The following NTNG1 variants were observed in gnomAD, a reference collection of about 807,000 sequenced individuals.
The protein encoded by NTNG1 is netrin-G1.
Under a neutral mutation model 54.0 loss-of-function variants are expected in NTNG1, and 16 were observed. The observed-to-expected ratio is 0.30, with a 90% CI of 0.20 to 0.45. NTNG1 has a LOEUF of 0.45. Ranked by LOEUF, NTNG1 falls within the 20% of genes least tolerant of loss-of-function variation. NTNG1 has a pLI of 1.00. For missense variants in NTNG1, 530 were observed against 678.7 expected, an observed-to-expected ratio of 0.78 and a Z score of 2.43; for synonymous variants, 255 against 263.1, an observed-to-expected ratio of 0.97 and a Z score of 0.30.
At chr1:107,267,649 G>T (rs946752242) in intron 2 of NTNG1, among the ~76,000 whole-genome samples, 26 of 152,136 alleles carry the variant, frequency 1.7e-4, no homozygotes, top group African/African-American at 5.8e-4. Flanking sequence ...AGTCCCCAGG[G>T]TGTCCACCAT....
chr1:107,434,468 C>G (rs554435460), intron 6 of NTNG1, among the ~76,000 whole-genome samples: 3 of 152,246 alleles, frequency 2.0e-5, no homozygotes, highest in South Asian at 2.1e-4. Context: ...GAGCATTAAG[C>G]AGGAAGCTAG....
chr1:107,466,076 C>CTA (rs994886837), intron 7 of NTNG1, among the ~76,000 whole-genome samples: 2 of 151,934 alleles, frequency 1.3e-5, no homozygotes, highest in African/African-American at 4.8e-5. Flanking sequence ...GAGGTCCTGA[C>CTA]TATAGTATTT....
chr1:107,340,089 A>G (rs1011715950), intron 3 of NTNG1, among the ~76,000 whole-genome samples: 1 of 152,094 alleles, frequency 6.6e-6, no homozygotes, highest in African/African-American at 2.4e-5. Context: ...CGTCAAGGTT[A>G]TTTCTAAACA....
chr1:107,438,222 T>G (rs1489018179), intron 7 of NTNG1, among the ~76,000 whole-genome samples: 1 of 152,166 alleles, frequency 6.6e-6, no homozygotes, highest in Non-Finnish European at 1.5e-5. Flanking sequence ...AGGTTGAAAT[T>G]TTGGCATTGA....
At position 107,331,636 on chromosome 1, in the gene NTNG1, T is replaced by C. The variant is rs77270972; in HGVS notation, c.887+6714T>C. Among the ~76,000 whole-genome samples the C allele has an allele frequency of 4.6e-3, 707 of 152,232 alleles. 7 individuals carry two copies. The highest frequency in any genetic ancestry group is 0.016 in the African/African-American group (663 of 41,562). On this transcript the variant is annotated intron_variant, in intron 3 of 7. Transcript: ENST00000370068. ...ACCTGCTTTCAACTAATGGGCATCA[T>C]CAAACACTAAAACAAGTCATATATC...
chr1:107,413,091 C>G (rs1158590568), intron 5 of NTNG1, among the ~76,000 whole-genome samples: 2 of 151,852 alleles, frequency 1.3e-5, no homozygotes, highest in Non-Finnish European at 2.9e-5. Context: ...TCCTGTAGAA[C>G]TTTGGAGTTT....
intron 2 of NTNG1, among the ~76,000 whole-genome samples, chr1:107,255,918 T>C (rs549336710): frequency 5.0e-4 from 76 of 152,338 alleles, no homozygotes; most frequent in Non-Finnish European, 8.7e-4. Flanking sequence ...TAGTTATTAT[T>C]ATACTTAAAA....
intron 2 of NTNG1, among the ~76,000 whole-genome samples, chr1:107,193,108 T>G (rs1223088675): frequency 1.3e-5 from 2 of 152,098 alleles, no homozygotes; most frequent in Non-Finnish European, 2.9e-5. Flanking sequence ...AAAAGTACCT[T>G]GATAGGTGCT....
At chr1:107,345,467 A>G (rs1669160762) in intron 3 of NTNG1, among the ~76,000 whole-genome samples, 1 of 152,216 alleles carries the variant, frequency 6.6e-6, no homozygotes, top group Non-Finnish European at 1.5e-5. Flanking sequence ...GCTGTGGCAC[A>G]GAAGTTACAA....
At chr1:107,291,290 G>A (rs1215150924) in intron 2 of NTNG1, among the ~76,000 whole-genome samples, 1 of 151,860 alleles carries the variant, frequency 6.6e-6, no homozygotes, top group East Asian at 1.9e-4. Flanking sequence ...TAAGAATATA[G>A]TATATAATAC....
intron 5 of NTNG1, chr1:107,421,044 T>C (rs1006659648): frequency 1.4e-6 from 2 of 1,430,898 alleles, no homozygotes; most frequent in East Asian, 2.3e-5. Flanking sequence ...CGTTTCACTA[T>C]TGTTTCTAAT....
At chr1:107,156,209 A>T (rs773362197) in intron 2 of NTNG1, among the ~76,000 whole-genome samples, 6 of 152,238 alleles carry the variant, frequency 3.9e-5, no homozygotes, top group Non-Finnish European at 7.3e-5. Flanking sequence ...AAATTAAGAG[A>T]CAACTAGCAA....
chr1:107,258,045 T>C (rs1223473287), intron 2 of NTNG1, among the ~76,000 whole-genome samples: 1 of 152,184 alleles, frequency 6.6e-6, no homozygotes, highest in Non-Finnish European at 1.5e-5. Context: ...ACATGTAGGA[T>C]TAAAACATTA....
chr1:107,467,248 T>C (rs1251106871), intron 7 of NTNG1, among the ~76,000 whole-genome samples: 1 of 152,172 alleles, frequency 6.6e-6, no homozygotes, highest in Non-Finnish European at 1.5e-5. Context: ...GAGTGAACGA[T>C]GATTTTTTTC....
intron 3 of NTNG1, among the ~76,000 whole-genome samples, chr1:107,331,527 G>A (rs1668280100): frequency 6.6e-6 from 1 of 151,918 alleles, no homozygotes; most frequent in African/African-American, 2.4e-5. Flanking sequence ...ATTTTTCCAT[G>A]GGGAGACAAA....
intron 2 of NTNG1, among the ~76,000 whole-genome samples, chr1:107,179,088 A>C (rs1656872241): frequency 6.6e-6 from 1 of 152,202 alleles, no homozygotes; most frequent in South Asian, 2.1e-4. Flanking sequence ...GAGAAGACCC[A>C]GGGAGGGGCC....
intron 3 of NTNG1, among the ~76,000 whole-genome samples, chr1:107,385,940 C>T (rs1195170486): frequency 1.3e-5 from 2 of 150,816 alleles, no homozygotes; most frequent in Non-Finnish European, 2.9e-5. Flanking sequence ...CTCAAAAAGC[C>T]CCTATCCATC....
intron 2 of NTNG1, among the ~76,000 whole-genome samples, chr1:107,279,793 A>G (rs1377701637): frequency 1.3e-5 from 2 of 151,840 alleles, no homozygotes; most frequent in African/African-American, 4.8e-5. Context: ...TTTATTTTTC[A>G]TTTTTAATAT....
intron 5 of NTNG1, among the ~76,000 whole-genome samples, chr1:107,423,816 T>A (rs1674717587): frequency 6.6e-6 from 1 of 152,106 alleles, no homozygotes; most frequent in African/African-American, 2.4e-5. Flanking sequence ...TTTTCTAAAC[T>A]CCTTAATATA....
Sources: allele counts gnomAD v4.1 joint callset (sites outside exome capture counted in the v4.1 genomes callset), GRCh38; gene constraint gnomAD v4.1.1; transcripts MANE v1.5; gene names NCBI Gene and HGNC (gene_info 2026-07-23, HGNC 2026-07-21).